BEND7: variants seen among roughly 807,000 people sequenced by gnomAD.
The protein encoded by BEND7 is BEN domain-containing protein 7.
In BEND7, 28 loss-of-function variants were observed where a neutral mutation model predicts 50.9. The observed-to-expected ratio is 0.55, with a 90% CI of 0.41 to 0.75. The LOEUF is 0.75. Ranked by LOEUF, BEND7 falls within the 30% of genes least tolerant of loss-of-function variation. BEND7 has a pLI of 0.00. For synonymous variants in BEND7, 170 were observed against 183.9 expected, an observed-to-expected ratio of 0.92 and a Z score of 0.61; for missense variants, 477 against 491.3, an observed-to-expected ratio of 0.97 and a Z score of 0.28.
intron 4 of BEND7, among the ~76,000 whole-genome samples, chr10:13,494,670 C>T (rs2076913400): frequency 6.6e-6 from 1 of 152,216 alleles, no homozygotes; most frequent in Non-Finnish European, 1.5e-5. Context: ...CCAGGCCTTG[C>T]TAAGCCTCAT....
chr10:13,468,533 A>G (rs2074483134), intron 6 of BEND7, among the ~76,000 whole-genome samples: 1 of 152,214 alleles, frequency 6.6e-6, no homozygotes, highest in Non-Finnish European at 1.5e-5. Context: ...AAGGGGAAGT[A>G]AGTAGGAAAA....
At chr10:13,487,069 G>A (rs2076272054) in intron 5 of BEND7, among the ~76,000 whole-genome samples, 1 of 152,170 alleles carries the variant, frequency 6.6e-6, no homozygotes, top group Non-Finnish European at 1.5e-5. Flanking sequence ...GCTCCTTCAA[G>A]GGCAGGGACT....
intron 3 of BEND7, among the ~76,000 whole-genome samples, chr10:13,497,363 T>C (rs2077096897): frequency 6.6e-6 from 1 of 152,248 alleles, no homozygotes; most frequent in Admixed American, 6.5e-5. Flanking sequence ...ATTAAGCACA[T>C]TATTTCAAAA....
intron 6 of BEND7, among the ~76,000 whole-genome samples, chr10:13,463,194 TA>T (rs11341078): frequency 0.73 from 110,869 of 152,126 alleles, 40,919 homozygotes; most frequent in East Asian, 0.87. Context: ...CAGCAGAATA[TA>T]AAATAACTCC....
At chr10:13,449,307 C>T (rs1837165159) in intron 7 of BEND7, among the ~76,000 whole-genome samples, 1 of 152,120 alleles carries the variant, frequency 6.6e-6, no homozygotes, top group Non-Finnish European at 1.5e-5. Flanking sequence ...TTTTAAAAAT[C>T]CTTCAATAAT....
chr10:13,488,678 G>C (rs929277344), intron 5 of BEND7, among the ~76,000 whole-genome samples: 1 of 152,022 alleles, frequency 6.6e-6, no homozygotes, highest in Non-Finnish European at 1.5e-5. Flanking sequence ...CAGTAGAGAC[G>C]GGGTTTCACC....
chr10:13,470,678 A>G (rs941812686), intron 6 of BEND7, among the ~76,000 whole-genome samples: 35 of 152,178 alleles, frequency 2.3e-4, no homozygotes, highest in African/African-American at 8.2e-4. Context: ...GCCGGTGATG[A>G]AGCGGTGGTG....
chr10:13,501,998 C>A (rs2077506714), intron 2 of BEND7, among the ~76,000 whole-genome samples: 1 of 152,048 alleles, frequency 6.6e-6, no homozygotes, highest in African/African-American at 2.4e-5. Context: ...ACACACAGCA[C>A]ATTCAATATA....
intron 2 of BEND7, among the ~76,000 whole-genome samples, chr10:13,522,281 G>T (rs1337725550): frequency 2.0e-5 from 3 of 152,178 alleles, no homozygotes; most frequent in African/African-American, 7.2e-5. Context: ...TAAATTAATT[G>T]TCTCATTAAA....
chr10:13,489,258 C>T (rs557427920), intron 5 of BEND7, among the ~76,000 whole-genome samples: 17 of 152,326 alleles, frequency 1.1e-4, no homozygotes, highest in Admixed American at 6.5e-4. Flanking sequence ...TAAGAGCCTG[C>T]TCCCTGACCC....
rs2076746892 is a variant in BEND7, at chr10:13,492,668, G to A, written c.780C>T (p.Ser260=). 6.2e-7 allele frequency: 1 copy of A among 1,614,168 alleles called. No individual in the cohort carries two copies. The highest frequency in any genetic ancestry group is 1.1e-5 in the South Asian group (1 of 91,072). ...LSALQAAEHT[S]PEESRVLGFG... ...ATCCTAGAACGCGGCTCTCCTCCGG[G>A]GAGGTGTGCTCGGCTGCCTGGAGAG... Residue 260 remains serine (S), a synonymous_variant, in exon 5 of 9, where the codon TCC becomes TCT. Coordinates refer to ENST00000466271, the MANE Select transcript of BEND7 (RefSeq NM_001369863.1).
upstream of BEND7, among the ~76,000 whole-genome samples, chr10:13,529,343 C>A (rs558584921): frequency 2.2e-4 from 34 of 152,024 alleles, no homozygotes; most frequent in Admixed American, 2.0e-3. Context: ...CGCGGACCGC[C>A]CCGACAACCA....
chr10:13,472,499 ATCG>A (rs1349397318), intron 6 of BEND7, among the ~76,000 whole-genome samples: 1 of 151,026 alleles, frequency 6.6e-6, no homozygotes. Flanking sequence ...CGGGGCTGAT[ATCG>A]TCATCATTGT....
chr10:13,470,178 G>A (rs903647072), intron 6 of BEND7, among the ~76,000 whole-genome samples: 2 of 152,228 alleles, frequency 1.3e-5, no homozygotes, highest in East Asian at 1.9e-4. Flanking sequence ...GATGGACCAC[G>A]CAGAAAACAC....
intron 2 of BEND7, among the ~76,000 whole-genome samples, chr10:13,507,979 T>C (rs2078015840): frequency 6.6e-6 from 1 of 152,180 alleles, no homozygotes; most frequent in Admixed American, 6.5e-5. Context: ...CTCATAGAGG[T>C]TGGCATGGAG....
intron 5 of BEND7, among the ~76,000 whole-genome samples, chr10:13,486,817 A>G (rs2076256130): frequency 6.6e-6 from 1 of 152,174 alleles, no homozygotes; most frequent in Non-Finnish European, 1.5e-5. Context: ...TTCCTTCTTC[A>G]GGTAATAAAT....
At chr10:13,472,459 G>C (rs745962078) in intron 6 of BEND7, among the ~76,000 whole-genome samples, 5 of 151,886 alleles carry the variant, frequency 3.3e-5, no homozygotes, top group Admixed American at 6.6e-5. Context: ...TGTTAGATTT[G>C]GGGTCAATAC....
chr10:13,486,746 A>C (rs889888673), intron 5 of BEND7, among the ~76,000 whole-genome samples: 6 of 152,206 alleles, frequency 3.9e-5, no homozygotes, highest in Non-Finnish European at 8.8e-5. Flanking sequence ...GGTCCCTTGA[A>C]ATTTTCTCCG....
intron 6 of BEND7, 48 bp downstream of exon 6, chr10:13,480,851 A>C (rs2075805450): frequency 6.2e-7 from 1 of 1,608,488 alleles, no homozygotes; most frequent in Non-Finnish European, 8.5e-7. Flanking sequence ...TACGGAATGA[A>C]GGGAAAGCTC....
Sources: allele counts gnomAD v4.1 joint callset (sites outside exome capture counted in the v4.1 genomes callset), GRCh38; gene constraint gnomAD v4.1.1; transcripts MANE v1.5; gene names NCBI Gene and HGNC (gene_info 2026-07-23, HGNC 2026-07-21).